Variants in LMBR1 observed in about 807,000 individuals in gnomAD.
LMBR1 encodes the protein limb region 1 protein homolog.
LMBR1 carries 52 observed loss-of-function variants against 73.9 expected under a neutral mutation model. That is an observed-to-expected ratio of 0.70 (90% CI 0.56 to 0.89). The LOEUF (loss-of-function observed/expected upper bound fraction) is 0.89. Among genes scored for constraint, LMBR1 ranks in the 40% least tolerant of loss-of-function variants. The pLI is 0.00. For missense variants in LMBR1, 539 were observed against 579.8 expected (o/e 0.93, Z 0.72); for synonymous variants, 215 against 209.4 (o/e 1.03, Z -0.23).
At chr7:156,699,753 A>G (rs1809207458) in intron 15 of LMBR1, among the ~76,000 whole-genome samples, 1 of 152,256 alleles carries the variant, frequency 6.6e-6, no homozygotes, top group South Asian at 2.1e-4. Context: ...ATATGAACAG[A>G]CACTTCTCAA....
chr7:156,858,523 A>G (rs978444307), intron 1 of LMBR1, among the ~76,000 whole-genome samples: 3 of 152,240 alleles, frequency 2.0e-5, no homozygotes, highest in Non-Finnish European at 2.9e-5. Context: ...TATCTTACAG[A>G]TAACAGAAGC....
chr7:156,676,956 G>A (rs1263261001), downstream of LMBR1: 13 of 302,980 alleles, frequency 4.3e-5, no homozygotes, highest in Non-Finnish European at 6.8e-5. Context: ...GTGTCTGAAC[G>A]ACACTCCTTA....
intron 1 of LMBR1, among the ~76,000 whole-genome samples, chr7:156,882,759 G>A (rs961908175): frequency 3.9e-5 from 6 of 152,222 alleles, no homozygotes; most frequent in East Asian, 3.8e-4. Context: ...GGGGCTGGGC[G>A]CAGTGGCTCA....
At chr7:156,852,620 G>C (rs557940764) in intron 1 of LMBR1, among the ~76,000 whole-genome samples, 3 of 152,140 alleles carry the variant, frequency 2.0e-5, no homozygotes, top group Non-Finnish European at 4.4e-5. Context: ...ATTGCCTTTT[G>C]CTAAACAGGG....
intron 8 of LMBR1, among the ~76,000 whole-genome samples, chr7:156,758,018 A>C (rs1414743753): frequency 6.6e-6 from 1 of 152,248 alleles, no homozygotes; most frequent in Non-Finnish European, 1.5e-5. Context: ...TCCTATGAGG[A>C]AGAAAGGAAT....
chr7:156,788,265 T>C (rs1486855847), intron 5 of LMBR1, among the ~76,000 whole-genome samples: 1 of 152,148 alleles, frequency 6.6e-6, no homozygotes, highest in Non-Finnish European at 1.5e-5. Context: ...CAAAACCCCA[T>C]TTCTTTAAAA....
chr7:156,674,520 G>GC (rs1395830838), downstream of LMBR1, among the ~76,000 whole-genome samples: 26 of 152,154 alleles, frequency 1.7e-4, no homozygotes, highest in Admixed American at 1.5e-3. Flanking sequence ...CCCTGAATGA[G>GC]CCACCTACCC....
At chr7:156,885,415 G>C (rs1464280314) in intron 1 of LMBR1, among the ~76,000 whole-genome samples, 1 of 151,676 alleles carries the variant, frequency 6.6e-6, no homozygotes, top group African/African-American at 2.4e-5. Flanking sequence ...TTCTAGCCAA[G>C]AGGGGAGCTT....
rs1278213697 is a variant in LMBR1, at chr7:156,669,950, A to T, written n.867-663T>A. Among the ~76,000 whole-genome samples the T allele has an allele frequency of 4.6e-5, 7 of 152,238 alleles. No homozygotes were observed. The highest frequency in any genetic ancestry group is 1.7e-4 in the African/African-American group (7 of 41,468). On this transcript the variant is annotated intron_variant and non_coding_transcript_variant, in intron 4 of 4. Transcript: ENST00000430825. The surrounding 1 kb of genome is among the most constrained non-coding windows in gnomAD (Gnocchi z 4.2). ...ACACAGATCCCTGTTTAAAAGAAAG[A>T]AAACATGGGAAAGTGCCATCCAAGT...
At chr7:156,803,830 C>T (rs1831478312) in intron 4 of LMBR1, among the ~76,000 whole-genome samples, 1 of 151,818 alleles carries the variant, frequency 6.6e-6, no homozygotes, top group South Asian at 2.1e-4. Context: ...AGGATGAGTT[C>T]ATGTCCTTTG....
rs1316549571 is a variant in LMBR1, at chr7:156,734,205, T to G, written c.810A>C (p.Glu270Asp). The change falls in exon 10 of 17, where the codon GAA (glutamate) becomes GAC (aspartate). Residue 270 changes from glutamate to aspartate, a missense_variant. Glu to Asp is a conservative substitution (Grantham distance 45). Around this residue, in one of 3 missense-constraint regions of LMBR1, gnomAD observed 454 missense variants for 473.4 expected, o/e 0.96. Coordinates refer to ENST00000353442, the MANE Select transcript of LMBR1 (RefSeq NM_022458.4). ...YNIMELEQEL[E>D]NVKTLKTKLE... ...ATTTTGTCTTAAGAGTCTTTACATTTTCAAGTTCTTGTTCCAACTCCATTA... is the reference window on the plus strand; with the variant it reads ...ATTTTGTCTTAAGAGTCTTTACATTGTCAAGTTCTTGTTCCAACTCCATTA... 2.5e-6 allele frequency: 4 copies of G among 1,609,644 alleles called. No homozygotes were observed. The highest frequency in any genetic ancestry group is 3.4e-6 in the Non-Finnish European group (4 of 1,178,536).
At chr7:156,728,056 C>A (rs767048429) in intron 11 of LMBR1, 49 bp from the exon 12 acceptor site, 31 of 1,434,274 alleles carry the variant, frequency 2.2e-5, no homozygotes, top group Non-Finnish European at 2.6e-5. Flanking sequence ...TTCACCAATA[C>A]AAAATATTAA....
downstream of LMBR1, among the ~76,000 whole-genome samples, chr7:156,677,568 A>G (rs565115397): frequency 3.3e-5 from 5 of 152,292 alleles, no homozygotes; most frequent in East Asian, 7.7e-4. Flanking sequence ...GGGCAAGGAA[A>G]GGGCAGGGTG....
chr7:156,798,962 G>A (rs2133408311), intron 4 of LMBR1, among the ~76,000 whole-genome samples: 1 of 152,012 alleles, frequency 6.6e-6, no homozygotes, highest in South Asian at 2.1e-4. Context: ...GGGAGGCCGA[G>A]GCAGGCAGAT....
At chr7:156,804,518 T>A (rs985010345) in intron 4 of LMBR1, among the ~76,000 whole-genome samples, 1 of 152,228 alleles carries the variant, frequency 6.6e-6, no homozygotes, top group African/African-American at 2.4e-5. Flanking sequence ...ATCCACATTT[T>A]CACTAAAAAT....
chr7:156,843,518 AT>A (rs1222888778), intron 1 of LMBR1, among the ~76,000 whole-genome samples: 2 of 152,204 alleles, frequency 1.3e-5, no homozygotes, highest in African/African-American at 4.8e-5. Flanking sequence ...TTTTTTAAAA[AT>A]TATGTTTAAA....
chr7:156,736,493 G>A (rs758171578), intron 9 of LMBR1: 9 of 456,276 alleles, frequency 2.0e-5, no homozygotes, highest in South Asian at 9.3e-5. Context: ...AAACACATAC[G>A]TGGGTTTGCT....
chr7:156,784,058 A>G (rs1403510257), intron 5 of LMBR1, among the ~76,000 whole-genome samples: 1 of 150,694 alleles, frequency 6.6e-6, no homozygotes, highest in African/African-American at 2.5e-5. Flanking sequence ...AGTGGTAACC[A>G]GCTCTGAATG....
intron 15 of LMBR1, among the ~76,000 whole-genome samples, chr7:156,693,211 T>C (rs1043333561): frequency 8.5e-5 from 13 of 152,064 alleles, no homozygotes; most frequent in African/African-American, 2.4e-5. Context: ...ATCTTTCAAA[T>C]ATGATGAAAA....
Sources: gnomAD v4.1 joint callset for allele counts (sites outside exome capture counted in the v4.1 genomes callset) on GRCh38, gnomAD v4.1.1 for gene constraint, gnomAD v4.1.1 regional missense constraint, Gnocchi (gnomAD v3.1) non-coding constraint, MANE v1.5 for transcripts, NCBI Gene and HGNC (gene_info 2026-07-23, HGNC 2026-07-21) for gene names.